Variants in RFXAP observed in about 807,000 individuals in gnomAD.
RFXAP encodes the protein regulatory factor X associated protein.
RFXAP carries 21 observed loss-of-function variants against 25.7 expected under a neutral mutation model. The observed-to-expected ratio is 0.82, with a 90% CI of 0.58 to 1.18. RFXAP has a LOEUF of 1.18. Ranked by LOEUF, RFXAP falls within the 50% of genes most tolerant of loss-of-function variation. RFXAP has a pLI of 0.00. For missense variants in RFXAP, 333 were observed against 363.0 expected (o/e 0.92, Z 0.67); for synonymous variants, 161 against 152.2 (o/e 1.06, Z -0.43).
In RFXAP at chr13:36,819,796, A is replaced by G. The variant is rs1027246000; in HGVS notation, c.439A>G (p.Ser147Gly). 6 of 1,586,562 alleles carry G rather than the reference A, an allele frequency of 3.8e-6. No individual in the cohort carries two copies. Among genetic ancestry groups the G allele is most frequent in the Non-Finnish European group, 5.1e-6 (6 of 1,165,614 alleles). ...MSKTCTYEGC[S>G]ETTSQVAKQR... ...CAAGACCTGCACCTACGAAGGCTGC[A>G]GCGAGACCACGAGCCAGGTGGCCAA... The change falls in exon 1 of 3, where the codon AGC (serine) becomes GGC (glycine). Residue 147 changes from serine (S) to glycine (G), a missense_variant. Coordinates refer to ENST00000255476, the MANE Select transcript of RFXAP (RefSeq NM_000538.4).
chr13:36,827,913 T>C lies in RFXAP; in HGVS notation c.*160T>C. 1 of 614,738 alleles carries C rather than the reference T, an allele frequency of 1.6e-6. No homozygotes were observed. The highest frequency in any genetic ancestry group is 2.2e-5 in the South Asian group (1 of 46,054). The allele number at this position is 614,738 out of a possible 1,614,324, so 38.1% of individuals were successfully genotyped here. A position where few individuals can be genotyped will look rare whatever the true frequency, so the allele number is the denominator to read the frequency against. On this transcript the variant is annotated 3_prime_UTR_variant, in exon 3 of 3. Coordinates refer to ENST00000255476, the MANE Select transcript of RFXAP (RefSeq NM_000538.4). ...TTTGGGGATAAGTAAGTATTGCACT[T>C]TGTGCATCTAATCTTTCAGATTACT...
At position 36,819,333 on chromosome 13, in the gene RFXAP, T is replaced by G; in HGVS notation, c.-25T>G. The G allele has an allele frequency of 8.0e-7, 1 of 1,251,418 alleles. No individual in the cohort carries two copies. The highest frequency in any genetic ancestry group is 1.0e-6 in the Non-Finnish European group (1 of 994,766). The allele number at this position is 1,251,418 out of a possible 1,614,324, so 77.5% of individuals were successfully genotyped here. ...AGCAGGTGCTAAAAGCCCGGGGTCG[T>G]GGACCCCGGCCAGGTCTTAGCAGCA... On this transcript the variant is annotated 5_prime_UTR_variant, in exon 1 of 3. Transcript: ENST00000255476.
rs539466806 is a variant in RFXAP, at chr13:36,827,618, A to T, written c.709-25A>T. 3.9e-4 allele frequency: 597 copies of T among 1,513,466 alleles called. 9 individuals are homozygous for T. In the South Asian group the frequency reaches 6.0e-3, roughly 15 times the overall value. 93.8% of individuals were successfully genotyped at this position (1,513,466 alleles called of 1,614,324 possible). ...CTAATGACATAGATTAATGCTATTA[A>T]TAATTTTTTTCTTTTCTTTCTAAGT... On this transcript the variant is annotated intron_variant, in intron 2 of 2. Coordinates refer to ENST00000255476, the MANE Select transcript of RFXAP (RefSeq NM_000538.4).
intron 2 of RFXAP, among the ~76,000 whole-genome samples, chr13:36,825,852 A>G (rs1228274817): frequency 2.0e-5 from 3 of 152,156 alleles, no homozygotes; most frequent in South Asian, 4.1e-4. Flanking sequence ...ATAAAAGACT[A>G]TGGTTAACGT....
intron 1 of RFXAP, 49 bp downstream of exon 1, chr13:36,820,006 C>G: frequency 6.3e-7 from 1 of 1,598,520 alleles, no homozygotes; most frequent in African/African-American, 1.3e-5. Flanking sequence ...AGAAGAAACC[C>G]GATCTTAACG....
At chr13:36,825,621 C>A in intron 2 of RFXAP, 86 bp downstream of exon 2, 1 of 911,104 alleles carries the variant, frequency 1.1e-6, no homozygotes, top group Non-Finnish European at 1.7e-6. Flanking sequence ...AGATTTTTAG[C>A]TCATGACATC....
At chr13:36,820,061 G>A (rs146949171) in intron 1 of RFXAP, 104 bp downstream of exon 1, 10 of 1,501,560 alleles carry the variant, frequency 6.7e-6, no homozygotes, top group Middle Eastern at 3.6e-4. Flanking sequence ...CAAATGGGCC[G>A]GTTTGCAGTG....
Position 36,819,279 on chromosome 13 carries a change from T to G in RFXAP, c.-79T>G. On this transcript the variant is annotated 5_prime_UTR_variant, in exon 1 of 3. Coordinates refer to ENST00000255476, the MANE Select transcript of RFXAP (RefSeq NM_000538.4). ...GCCTTTTACCCCAGCGTGTCCTGAG[T>G]CTTTGGTTCGCGAAGTGCCGTTAGG... 8.3e-7 allele frequency: 1 copy of G among 1,207,770 alleles called. No individual in the cohort carries two copies. Among genetic ancestry groups the G allele is most frequent in the Non-Finnish European group, 1.0e-6 (1 of 967,478 alleles). The allele number at this position is 1,207,770 out of a possible 1,614,324, so 74.8% of individuals were successfully genotyped here. A position where few individuals can be genotyped will look rare whatever the true frequency, so the allele number is the denominator to read the frequency against.
intron 1 of RFXAP, among the ~76,000 whole-genome samples, chr13:36,820,854 A>G (rs1469407951): frequency 2.6e-5 from 4 of 152,228 alleles, no homozygotes. Context: ...TGTGTCATTC[A>G]TAGTGTTGCT....
At chr13:36,820,011 TTA>T in intron 1 of RFXAP, 54 bp downstream of exon 1, 13 of 1,595,768 alleles carry the variant, frequency 8.1e-6, no homozygotes, top group Non-Finnish European at 1.1e-5. Flanking sequence ...AAACCCGATC[TTA>T]ACGCAAACCG....
chr13:36,823,378 TGA>T lies in RFXAP; in HGVS notation c.601-2043_601-2042del, dbSNP rs143301968. Among the ~76,000 whole-genome samples, 1,206 of 152,290 alleles carry T rather than the reference TGA, an allele frequency of 7.9e-3. 16 individuals carry two copies. The highest frequency in any genetic ancestry group is 0.028 in the African/African-American group (1,171 of 41,552). On this transcript the variant is annotated intron_variant, in intron 1 of 2. Coordinates refer to ENST00000255476, the MANE Select transcript of RFXAP (RefSeq NM_000538.4). ...CTAAAATAGTTGAGTGGAAAATTCA[TGA>T]GAGAGAAATTTGGAAAGATAGGTTG...
At chr13:36,822,439 T>A (rs1260961843) in intron 1 of RFXAP, among the ~76,000 whole-genome samples, 1 of 152,140 alleles carries the variant, frequency 6.6e-6, no homozygotes, top group East Asian at 1.9e-4. Flanking sequence ...TTTTTTTTTT[T>A]TAAACTACCT....
chr13:36,820,477 G>T (rs1189643950), intron 1 of RFXAP, among the ~76,000 whole-genome samples: 2 of 152,032 alleles, frequency 1.3e-5, no homozygotes, highest in African/African-American at 4.8e-5. Context: ...GCTATACTCA[G>T]TTGCCTGTCT....
intron 1 of RFXAP, among the ~76,000 whole-genome samples, chr13:36,820,862 G>C (rs534905080): frequency 5.9e-5 from 9 of 152,132 alleles, no homozygotes; most frequent in Non-Finnish European, 1.3e-4. Flanking sequence ...TCATAGTGTT[G>C]CTGTGAATAT....
intron 1 of RFXAP, among the ~76,000 whole-genome samples, chr13:36,820,183 A>G (rs978790197): frequency 6.6e-6 from 1 of 152,206 alleles, no homozygotes; most frequent in Non-Finnish European, 1.5e-5. Context: ...AAATTTCAGT[A>G]AAAATAATGT....
rs573409059 is a variant in RFXAP at position 36,825,544 on chromosome 13, CTGTT to C, written c.708+13_708+16del. ...TAAATCAAAAAAGACTGGTAAATAT[CTGTT>C]TGTAAATCAGTTATAAATGTGTTAA... On this transcript the variant is annotated intron_variant, in intron 2 of 2. Transcript: ENST00000255476. The C allele has an allele frequency of 1.3e-6, 2 of 1,570,054 alleles. No homozygotes were observed. Among genetic ancestry groups the C allele is most frequent in the South Asian group, 1.1e-5 (1 of 90,086 alleles).
rs772726674 is a variant in RFXAP at position 36,827,748 on chromosome 13, A to G, written c.814A>G (p.Met272Val). The G allele has an allele frequency of 1.7e-5, 27 of 1,609,974 alleles. No individual in the cohort carries two copies. Among genetic ancestry groups the G allele is most frequent in the East Asian group, 6.7e-5 (3 of 44,720 alleles). ...ACAACAGCAGTTTCCAGGAACATCA[A>G]TGTGAGGGAACTTACCAAGAACATC... ...QRQQQFPGTS[M>V] Residue 272 changes from methionine to valine, a missense_variant, in exon 3 of 3, where the codon ATG (methionine) becomes GTG (valine). Met to Val is a conservative substitution (Grantham distance 21). Transcript: ENST00000255476.
chr13:36,819,354 C>T lies in RFXAP; in HGVS notation c.-4C>T. 1 of 1,264,970 alleles carries T rather than the reference C, an allele frequency of 7.9e-7. No homozygotes were observed. The allele number at this position is 1,264,970 out of a possible 1,614,324, so 78.4% of individuals were successfully genotyped here. On this transcript the variant is annotated 5_prime_UTR_variant, in exon 1 of 3. Coordinates refer to ENST00000255476, the MANE Select transcript of RFXAP (RefSeq NM_000538.4). Reference sequence around the variant, plus strand: ...GTCGTGGACCCCGGCCAGGTCTTAGCAGCATGGAGGCGCAGGGTGTAGCGG... The same window carrying T: ...GTCGTGGACCCCGGCCAGGTCTTAGTAGCATGGAGGCGCAGGGTGTAGCGG...
intron 1 of RFXAP, among the ~76,000 whole-genome samples, chr13:36,824,146 A>T (rs1232853301): frequency 1.3e-5 from 2 of 152,156 alleles, no homozygotes; most frequent in African/African-American, 4.8e-5. Context: ...TTCAGTATCT[A>T]ATATTTTGTG....
Sources: gnomAD v4.1 joint callset for allele counts (sites outside exome capture counted in the v4.1 genomes callset) on GRCh38, gnomAD v4.1.1 for gene constraint, MANE v1.5 for transcripts, NCBI Gene and HGNC (gene_info 2026-07-23, HGNC 2026-07-21) for gene names.